The following EYA2 variants were observed in gnomAD, a reference collection of about 807,000 sequenced individuals.
EYA2 encodes EYA transcriptional coactivator and phosphatase 2.
Under a neutral mutation model 69.2 loss-of-function variants are expected in EYA2, and 31 were observed. That is an observed-to-expected ratio of 0.45 (90% CI 0.34 to 0.60). EYA2 has a LOEUF of 0.60. Ranked by LOEUF, EYA2 falls within the 20% of genes least tolerant of loss-of-function variation. The pLI, the probability that EYA2 is intolerant of heterozygous loss-of-function variation, is 0.02. For synonymous variants in EYA2, 257 were observed against 279.4 expected, an observed-to-expected ratio of 0.92 and a Z score of 0.80; for missense variants, 622 against 701.2, an observed-to-expected ratio of 0.89 and a Z score of 1.28.
At chr20:47,024,322 T>G (rs1983953147) in intron 5 of EYA2, among the ~76,000 whole-genome samples, 2 of 152,182 alleles carry the variant, frequency 1.3e-5, no homozygotes. Context: ...CAGGAGAAAT[T>G]TTTCCCACTA....
chr20:47,153,063 A>C (rs1226052982), intron 10 of EYA2, among the ~76,000 whole-genome samples: 2 of 151,932 alleles, frequency 1.3e-5, no homozygotes, highest in Admixed American at 1.3e-4. Context: ...TCTTGTACAA[A>C]GTGGAATTGT....
At chr20:47,147,292 AC>A (rs2033723282) in intron 10 of EYA2, among the ~76,000 whole-genome samples, 1 of 151,760 alleles carries the variant, frequency 6.6e-6, no homozygotes, top group African/African-American at 2.4e-5. Context: ...CAAGTGATCC[AC>A]CCTCCTCAAC....
intron 1 of EYA2, among the ~76,000 whole-genome samples, chr20:46,926,533 A>G (rs1985420688): frequency 6.6e-6 from 1 of 152,204 alleles, no homozygotes; most frequent in South Asian, 2.1e-4. Context: ...TCATGTCCTC[A>G]GTGGATTGGA....
chr20:46,976,420 C>G (rs2146306372), intron 1 of EYA2, among the ~76,000 whole-genome samples: 1 of 67,980 alleles, frequency 1.5e-5, no homozygotes, highest in East Asian at 2.4e-4. Flanking sequence ...GAGTCTCACT[C>G]TGTCACCCAG....
chr20:47,027,902 A>G (rs1274960263), intron 5 of EYA2, among the ~76,000 whole-genome samples: 4 of 152,216 alleles, frequency 2.6e-5, no homozygotes, highest in African/African-American at 9.7e-5. Flanking sequence ...GGTCTAAGCA[A>G]TGTTTCAAAG....
intron 1 of EYA2, among the ~76,000 whole-genome samples, chr20:46,915,017 G>A (rs951109429): frequency 5.3e-5 from 8 of 152,152 alleles, no homozygotes; most frequent in East Asian, 1.9e-4. Context: ...TTTCTCTACC[G>A]GAGATGGGAG....
chr20:47,138,275 G>A (rs1018706127), intron 9 of EYA2, among the ~76,000 whole-genome samples: 5 of 151,944 alleles, frequency 3.3e-5, no homozygotes, highest in Admixed American at 6.6e-5. Context: ...TTTTTATCGT[G>A]TTTTTTGAAC....
chr20:47,013,439 C>T (rs1241190152), intron 4 of EYA2, among the ~76,000 whole-genome samples: 1 of 152,156 alleles, frequency 6.6e-6, no homozygotes, highest in Non-Finnish European at 1.5e-5. Flanking sequence ...TTAAAATGGA[C>T]AATGTAGGTA....
chr20:47,015,076 A>G (rs1391073027), intron 4 of EYA2, among the ~76,000 whole-genome samples: 1 of 152,252 alleles, frequency 6.6e-6, no homozygotes, highest in Non-Finnish European at 1.5e-5. Context: ...ACATATATAT[A>G]TTATATACAT....
intron 1 of EYA2, among the ~76,000 whole-genome samples, chr20:46,914,593 A>G (rs1030920784): frequency 2.0e-5 from 3 of 152,224 alleles, no homozygotes; most frequent in Non-Finnish European, 2.9e-5. Context: ...GAAGCCTCTT[A>G]TAAAACCATC....
intron 10 of EYA2, chr20:47,161,794 G>A (rs1301802987): frequency 6.3e-6 from 1 of 158,852 alleles, no homozygotes; most frequent in African/African-American, 2.4e-5. Context: ...CATAGTAGGT[G>A]TTTTTATAGT....
rs188759925 is a variant in EYA2 at position 47,008,962 on chromosome 20, A to G, written c.298+3878A>G. Among the ~76,000 whole-genome samples, 19 of 152,366 alleles carry G rather than the reference A, an allele frequency of 1.2e-4. No individual in the cohort carries two copies. In the East Asian group the frequency reaches 3.5e-3, roughly 28 times the overall value. On this transcript the variant is annotated intron_variant, in intron 4 of 15. Transcript: ENST00000327619. ...TGTGATCCATATGGTCTTTATTACA[A>G]CTACTCAGCTCTGCCATTGTGGCGT...
chr20:47,012,520 G>A lies in EYA2; in HGVS notation c.299-3661G>A, dbSNP rs146417118. ...TATTTACTTATTTATTTGAGATGAA[G>A]TCTCACTCTTTAGCCCAGGCTGGAG... On this transcript the variant is annotated intron_variant, in intron 4 of 15. Coordinates refer to ENST00000327619, the MANE Select transcript of EYA2 (RefSeq NM_005244.5). 3.6e-3 allele frequency among the ~76,000 whole-genome samples: 546 copies of A among 152,282 alleles called. 4 individuals carry two copies. The highest frequency in any genetic ancestry group is 0.012 in the African/African-American group (518 of 41,560).
chr20:47,139,201 T>TGA (rs2033542008), intron 9 of EYA2, among the ~76,000 whole-genome samples: 1 of 152,188 alleles, frequency 6.6e-6, no homozygotes, highest in Non-Finnish European at 1.5e-5. Flanking sequence ...CTCATGTGTA[T>TGA]GAGATTTTCT....
intron 5 of EYA2, among the ~76,000 whole-genome samples, chr20:47,037,804 T>G (rs2146409198): frequency 6.6e-6 from 1 of 152,302 alleles, no homozygotes; most frequent in East Asian, 1.9e-4. Context: ...CCTCCCGATC[T>G]TAAGCTCAGC....
chr20:47,057,863 T>TGGGAGTCAG (rs2030708556), intron 5 of EYA2, among the ~76,000 whole-genome samples: 1 of 151,834 alleles, frequency 6.6e-6, no homozygotes. Flanking sequence ...CAGGACGGCC[T>TGGGAGTCAG]GCTGGCTGGG....
intron 12 of EYA2, among the ~76,000 whole-genome samples, chr20:47,174,742 G>A (rs894191627): frequency 3.9e-5 from 6 of 152,178 alleles, no homozygotes; most frequent in African/African-American, 9.7e-5. Flanking sequence ...TTTTATCAAC[G>A]GTGTTGCTTG....
chr20:47,054,760 A>ATG (rs1382595474), intron 5 of EYA2, among the ~76,000 whole-genome samples: 2 of 152,164 alleles, frequency 1.3e-5, no homozygotes, highest in Admixed American at 6.5e-5. Flanking sequence ...TCTCCTAGCT[A>ATG]TGCCAGGCCC....
chr20:46,919,596 T>C (rs988003895), intron 1 of EYA2, among the ~76,000 whole-genome samples: 10 of 152,230 alleles, frequency 6.6e-5, no homozygotes, highest in Non-Finnish European at 1.0e-4. Flanking sequence ...TAGCCTTTGG[T>C]GTATGGGAAT....
Sources: gnomAD v4.1 joint callset for allele counts (sites outside exome capture counted in the v4.1 genomes callset) on GRCh38, gnomAD v4.1.1 for gene constraint, MANE v1.5 for transcripts, NCBI Gene and HGNC (gene_info 2026-07-23, HGNC 2026-07-21) for gene names.